DIPK1C: variants seen among roughly 807,000 people sequenced by gnomAD.
DIPK1C encodes the protein divergent protein kinase domain 1C.
In DIPK1C, 33 loss-of-function variants were observed where a neutral mutation model predicts 28.0. That is an observed-to-expected ratio of 1.18 (90% CI 0.89 to 1.58). The LOEUF is 1.58. DIPK1C is among the 40% of genes most tolerant of loss of function. DIPK1C has a pLI of 0.00. For missense variants in DIPK1C, 569 were observed against 568.5 expected, an observed-to-expected ratio of 1.00 and a Z score of -0.01; for synonymous variants, 255 against 248.8, an observed-to-expected ratio of 1.02 and a Z score of -0.23.
Position 74,446,919 on chromosome 18 carries a change from C to A in DIPK1C, c.563G>T (p.Trp188Leu). 1.3e-6 allele frequency: 2 copies of A among 1,506,786 alleles called. No homozygotes were observed. Among genetic ancestry groups the A allele is most frequent in the South Asian group, 1.3e-5 (1 of 77,746 alleles). The allele number at this position is 1,506,786 out of a possible 1,614,324, so 93.3% of individuals were successfully genotyped here. A position where few individuals can be genotyped will look rare whatever the true frequency, so the allele number is the denominator to read the frequency against. ...PRWRGQLASL[W>L]ALLQQEEYVY... The stretch of plus-strand genomic sequence containing the variant: ...GTACTCCTCCTGCTGCAGCAGGGCC[C>A]ACAGGCTGGCCAGCTGTCCCCGCCA... Residue 188 changes from tryptophan to leucine, a missense_variant, in exon 2 of 4, where the codon TGG becomes TTG. By Grantham distance (61) the Trp-to-Leu change is moderately conservative. Coordinates refer to ENST00000343998, the MANE Select transcript of DIPK1C (RefSeq NM_001044369.3).
At chr18:74,449,248 G>A (rs775905038) in intron 1 of DIPK1C, among the ~76,000 whole-genome samples, 82 of 152,264 alleles carry the variant, frequency 5.4e-4, no homozygotes, top group African/African-American at 1.8e-3. Context: ...ATGTGAATTC[G>A]CATACATTTT....
chr18:74,447,040 G>A lies in DIPK1C; in HGVS notation c.442C>T (p.Leu148Phe), dbSNP rs746562762. 2.6e-6 allele frequency: 4 copies of A among 1,548,984 alleles called. No individual in the cohort carries two copies. In the African/African-American group the frequency reaches 5.5e-5, roughly 21 times the overall value. ...GGQDMPEAEL[L>F]LMVAGEVKSA... ...TTGACCTCCCCAGCCACCATCAGGA[G>A]GAGTTCGGCCTCGGGCATGTCCTGG... The change falls in exon 2 of 4, where the codon CTC (leucine) becomes TTC (phenylalanine). Residue 148 changes from leucine (L) to phenylalanine (F), a missense_variant. By Grantham distance (22) the Leu-to-Phe change is conservative. Coordinates refer to ENST00000343998, the MANE Select transcript of DIPK1C (RefSeq NM_001044369.3). This position sits in a 1 kb window ranked among gnomAD's most constrained non-coding sequence, Gnocchi z 4.1.
intron 1 of DIPK1C, among the ~76,000 whole-genome samples, chr18:74,449,222 A>C (rs1036653900): frequency 2.0e-5 from 3 of 152,186 alleles, no homozygotes; most frequent in Non-Finnish European, 4.4e-5. Context: ...ATTTGTATCT[A>C]TATGTGTTTG....
intron 2 of DIPK1C, among the ~76,000 whole-genome samples, chr18:74,446,013 C>A (rs1357251573): frequency 6.6e-6 from 1 of 152,220 alleles, no homozygotes; most frequent in East Asian, 1.9e-4. Flanking sequence ...GCCCCACGTG[C>A]CCCGTGGTGC....
At chr18:74,461,743 G>A (rs1462303115), upstream of DIPK1C, among the ~76,000 whole-genome samples, 1 of 151,978 alleles carries the variant, frequency 6.6e-6, no homozygotes, top group Non-Finnish European at 1.5e-5. Context: ...CTGGGTTATA[G>A]TCGTCATCTT....
At chr18:74,439,424 T>TA in intron 3 of DIPK1C, among the ~76,000 whole-genome samples, 1 of 152,352 alleles carries the variant, frequency 6.6e-6, no homozygotes, top group East Asian at 1.9e-4. Context: ...TAAATACCCG[T>TA]ATTTCATTAG....
upstream of DIPK1C, among the ~76,000 whole-genome samples, chr18:74,460,195 A>G (rs933381313): frequency 1.3e-5 from 2 of 152,222 alleles, no homozygotes; most frequent in African/African-American, 2.4e-5. Context: ...CCGACTTTCC[A>G]ATTACCCAAA....
At chr18:74,442,375 C>T (rs1034117814) in intron 2 of DIPK1C, among the ~76,000 whole-genome samples, 1 of 152,064 alleles carries the variant, frequency 6.6e-6, no homozygotes, top group East Asian at 1.9e-4. Context: ...GTCACCCAGG[C>T]TGGAGTGCAG....
In DIPK1C at chr18:74,447,261, G is replaced by C; in HGVS notation, c.221C>G (p.Thr74Arg). ...AALCQDYQGG[T>R]LAGDLCEDLC... Reference sequence around the variant, plus strand: ...GTCCTCGCAGAGGTCCCCGGCCAGCGTGCCGCCCTGGTAGTCCTGGCACTG... The same window carrying C: ...GTCCTCGCAGAGGTCCCCGGCCAGCCTGCCGCCCTGGTAGTCCTGGCACTG... The change falls in exon 2 of 4, where the codon ACG (threonine) becomes AGG (arginine). Residue 74 changes from threonine (T) to arginine (R), a missense_variant. Thr to Arg is a moderately conservative substitution (Grantham distance 71). Coordinates refer to ENST00000343998, the MANE Select transcript of DIPK1C (RefSeq NM_001044369.3). The surrounding 1 kb of genome is among the most constrained non-coding windows in gnomAD (Gnocchi z 4.1). 1.3e-6 allele frequency: 2 copies of C among 1,540,328 alleles called. No homozygotes were observed. Among genetic ancestry groups the C allele is most frequent in the Non-Finnish European group, 1.8e-6 (2 of 1,141,074 alleles).
intron 1 of DIPK1C, among the ~76,000 whole-genome samples, chr18:74,456,051 T>C (rs927773207): frequency 6.6e-6 from 1 of 152,232 alleles, no homozygotes; most frequent in East Asian, 1.9e-4. Context: ...AAACTTCCCA[T>C]GTGTTTCTTG....
intron 2 of DIPK1C, among the ~76,000 whole-genome samples, chr18:74,443,507 T>C (rs896545753): frequency 6.6e-6 from 1 of 152,218 alleles, no homozygotes; most frequent in Non-Finnish European, 1.5e-5. Flanking sequence ...GGTTTTGGTT[T>C]TAGTTTTTCA....
At chr18:74,459,800 C>T (rs997423042), upstream of DIPK1C, among the ~76,000 whole-genome samples, 2 of 152,106 alleles carry the variant, frequency 1.3e-5, no homozygotes, top group South Asian at 2.1e-4. Flanking sequence ...AGAAATTTGC[C>T]GTTTCTCCTT....
chr18:74,459,100 A>G (rs965706295), upstream of DIPK1C, among the ~76,000 whole-genome samples: 1 of 152,246 alleles, frequency 6.6e-6, no homozygotes, highest in African/African-American at 2.4e-5. Context: ...GAGACCCTGT[A>G]CCTAAAAGGA....
In DIPK1C at chr18:74,457,306, G is replaced by C. The variant is rs1265960920; in HGVS notation, c.-47C>G. 1.0e-6 allele frequency: 1 copy of C among 981,020 alleles called. No individual in the cohort carries two copies. The highest frequency in any genetic ancestry group is 1.2e-6 in the Non-Finnish European group (1 of 826,376). The allele number at this position is 981,020 out of a possible 1,614,324, so 60.8% of individuals were successfully genotyped here. ...GGCCCCACCGCCGCCCGCGCCCCGA[G>C]TTCCGCACTCGCGTAGCTGCTCCGC... is the stretch of plus-strand genomic sequence containing the variant. On this transcript the variant is annotated 5_prime_UTR_variant, in exon 1 of 4. Transcript: ENST00000343998.
chr18:74,445,372 T>C (rs1403312242), intron 2 of DIPK1C, among the ~76,000 whole-genome samples: 1 of 152,142 alleles, frequency 6.6e-6, no homozygotes, highest in Non-Finnish European at 1.5e-5. Flanking sequence ...TTGCCACACT[T>C]TGAGGCACCC....
At chr18:74,444,038 A>G in intron 2 of DIPK1C, among the ~76,000 whole-genome samples, 1 of 151,042 alleles carries the variant, frequency 6.6e-6, no homozygotes, top group East Asian at 2.1e-4. Flanking sequence ...CTAAAATAAG[A>G]ACAGTATTAA....
chr18:74,436,733 G>T lies in DIPK1C; in HGVS notation c.1042-14C>A. 1.3e-6 allele frequency: 2 copies of T among 1,597,620 alleles called. No individual in the cohort carries two copies. Among genetic ancestry groups the T allele is most frequent in the Non-Finnish European group, 1.7e-6 (2 of 1,171,316 alleles). On this transcript the variant is annotated splice_polypyrimidine_tract_variant and intron_variant, in intron 3 of 3. Coordinates refer to ENST00000343998, the MANE Select transcript of DIPK1C (RefSeq NM_001044369.3). ...GTCACAGATGACCTGAGGGAAAGAAGGGTGGACAGTTAATTTAGGGCAGCA... is the reference window on the plus strand; with the variant it reads ...GTCACAGATGACCTGAGGGAAAGAATGGTGGACAGTTAATTTAGGGCAGCA...
intron 1 of DIPK1C, among the ~76,000 whole-genome samples, chr18:74,450,551 A>G (rs758117829): frequency 2.4e-4 from 37 of 152,224 alleles, no homozygotes; most frequent in Non-Finnish European, 4.9e-4. Flanking sequence ...TTAGCCTGTG[A>G]AAAGCAGAGT....
At position 74,441,957 on chromosome 18, in the gene DIPK1C, G is replaced by C; in HGVS notation, c.1036C>G (p.Leu346Val). Residue 346 changes from leucine (L) to valine (V), a missense_variant, in exon 3 of 4, where the codon CTG (leucine) becomes GTG (valine). By Grantham distance (32) the Leu-to-Val change is conservative. Coordinates refer to ENST00000343998, the MANE Select transcript of DIPK1C (RefSeq NM_001044369.3). ...GCCCTGGCGGACTCTCATACCTGCA[G>C]GTTGTTGTTTACGCGCTGCGCTCCG... is the stretch of plus-strand genomic sequence containing the variant. Reference protein sequence around the residue: ...KCGAQRVNNNLQVICDKIFRH... With the variant: ...KCGAQRVNNNVQVICDKIFRH... 1 of 1,613,314 alleles carries C rather than the reference G, an allele frequency of 6.2e-7. No individual in the cohort carries two copies. The highest frequency in any genetic ancestry group is 8.5e-7 in the Non-Finnish European group (1 of 1,179,528).
Sources: gnomAD v4.1 joint callset for allele counts (sites outside exome capture counted in the v4.1 genomes callset) on GRCh38, gnomAD v4.1.1 for gene constraint, Gnocchi (gnomAD v3.1) non-coding constraint, MANE v1.5 for transcripts, NCBI Gene and HGNC (gene_info 2026-07-23, HGNC 2026-07-21) for gene names.